NAPB: variants seen among roughly 807,000 people sequenced by gnomAD.
NAPB encodes beta-soluble NSF attachment protein.
Under a neutral mutation model 44.7 loss-of-function variants are expected in NAPB, and 26 were observed. The observed-to-expected ratio is 0.58, with a 90% CI of 0.43 to 0.81. NAPB has a LOEUF of 0.81. Among genes scored for constraint, NAPB ranks in the 30% least tolerant of loss-of-function variants. NAPB has a pLI of 0.00. For synonymous variants in NAPB, 120 were observed against 116.8 expected (o/e 1.03, Z -0.18); for missense variants, 315 against 356.4 (o/e 0.88, Z 0.94).
rs969604406 is a variant in NAPB at position 23,402,900 on chromosome 20, T to C, written c.178+93A>G. On this transcript the variant is annotated intron_variant, in intron 2 of 10. Coordinates refer to ENST00000377026, the MANE Select transcript of NAPB (RefSeq NM_022080.3). ...CACTGACATCTGTCTCTGGGGCCAA[T>C]AGTCTTGCTCTTCAAGGGGAAAACA... is the stretch of plus-strand genomic sequence containing the variant. 3.4e-5 allele frequency: 32 copies of C among 932,330 alleles called. 1 individual carries two copies. Among genetic ancestry groups the C allele is most frequent in the Admixed American group, 4.4e-5 (2 of 45,586 alleles). The allele number at this position is 932,330 out of a possible 1,614,324, so 57.8% of individuals were successfully genotyped here.
intron 7 of NAPB, among the ~76,000 whole-genome samples, chr20:23,388,860 A>G (rs1983727073): frequency 6.6e-6 from 1 of 152,174 alleles, no homozygotes; most frequent in Non-Finnish European, 1.5e-5. Context: ...GATTTCTTCT[A>G]TATAACAACA....
At chr20:23,382,099 G>A (rs1047014315) in intron 7 of NAPB, among the ~76,000 whole-genome samples, 6 of 152,196 alleles carry the variant, frequency 3.9e-5, no homozygotes, top group African/African-American at 1.4e-4. Flanking sequence ...CAGCTGGTGT[G>A]CTGTCAGAAG....
rs74892021 is a variant in NAPB at position 23,375,466 on chromosome 20, C to G, written c.*1910G>C. On this transcript the variant is annotated 3_prime_UTR_variant, in exon 11 of 11. Transcript: ENST00000377026. ...CAAGCTGCAGAACCACTCCTCACAC[C>G]CCATTTTCACAAAAGTGCATTTGGC... The G allele has an allele frequency of 6.6e-6, 1 of 152,086 alleles. No homozygotes were observed. Among genetic ancestry groups the G allele is most frequent in the Non-Finnish European group, 1.5e-5 (1 of 68,034 alleles). 9.4% of individuals were successfully genotyped at this position (152,086 alleles called of 1,614,324 possible).
At chr20:23,381,068 C>G in intron 8 of NAPB, 145 bp downstream of exon 8, 2 of 608,852 alleles carry the variant, frequency 3.3e-6, no homozygotes, top group Non-Finnish European at 5.9e-6. Context: ...ACAACTGGGA[C>G]ACATACCACA....
chr20:23,404,714 A>AT (rs1985108552), intron 1 of NAPB, among the ~76,000 whole-genome samples: 1 of 152,256 alleles, frequency 6.6e-6, no homozygotes, highest in African/African-American at 2.4e-5. Context: ...TATGGAAGGC[A>AT]TAAAAACCTT....
At chr20:23,395,308 G>T (rs944442648) in intron 3 of NAPB, 123 bp from the exon 4 acceptor site, 2 of 990,806 alleles carry the variant, frequency 2.0e-6, no homozygotes, top group African/African-American at 3.2e-5. Context: ...GTGGAGGGTG[G>T]GCAGGTTAAT....
At chr20:23,383,156 C>CAAAAAA (rs34238446) in intron 7 of NAPB, among the ~76,000 whole-genome samples, 3 of 76,746 alleles carry the variant, frequency 3.9e-5, no homozygotes, top group South Asian at 4.7e-4. Context: ...GACTCGGTCT[C>CAAAAAA]AAAAAAAAAA....
chr20:23,403,137 A>T, intron 1 of NAPB, 65 bp from the exon 2 acceptor site: 1 of 1,148,848 alleles, frequency 8.7e-7, no homozygotes, highest in Non-Finnish European at 1.3e-6. Flanking sequence ...CCTCCCTCAA[A>T]TGATTAACAT....
chr20:23,375,544 G>C lies in NAPB; in HGVS notation c.*1832C>G, dbSNP rs1459381162. On this transcript the variant is annotated 3_prime_UTR_variant, in exon 11 of 11. Coordinates refer to ENST00000377026, the MANE Select transcript of NAPB (RefSeq NM_022080.3). ...GAAACAAAACCCCACTTTTCTCTCTGATCATTTTTTCATAAGAGATTCTAA... is the reference window on the plus strand; with the variant it reads ...GAAACAAAACCCCACTTTTCTCTCTCATCATTTTTTCATAAGAGATTCTAA... The C allele has an allele frequency of 1.3e-5, 2 of 152,110 alleles. No individual in the cohort carries two copies. The highest frequency in any genetic ancestry group is 4.8e-5 in the African/African-American group (2 of 41,402). 9.4% of individuals were successfully genotyped at this position (152,110 alleles called of 1,614,324 possible). A position where few individuals can be genotyped will look rare whatever the true frequency, so the allele number is the denominator to read the frequency against.
At chr20:23,378,046 C>T (rs181048986) in intron 10 of NAPB, among the ~76,000 whole-genome samples, 1 of 151,976 alleles carries the variant, frequency 6.6e-6, no homozygotes, top group South Asian at 2.1e-4. Context: ...TGTAGTGGCT[C>T]ATGCCTGTAA....
rs1568616155 is a variant in NAPB, at chr20:23,403,077, G to C, written c.99-5C>G. The C allele has an allele frequency of 6.2e-7, 1 of 1,608,034 alleles. No individual in the cohort carries two copies. Among genetic ancestry groups the C allele is most frequent in the African/African-American group, 1.3e-5 (1 of 74,666 alleles). ...TCTTCTATTCTTGTGTTTCCTCTGA[G>C]AAAAAGTTAAAAATTAGATTTTTAA... is the stretch of plus-strand genomic sequence containing the variant. On this transcript the variant is annotated splice_region_variant and splice_polypyrimidine_tract_variant and intron_variant, in intron 1 of 10. Coordinates refer to ENST00000377026, the MANE Select transcript of NAPB (RefSeq NM_022080.3).
intron 9 of NAPB, 65 bp downstream of exon 9, chr20:23,379,802 C>A: frequency 1.6e-6 from 2 of 1,219,522 alleles, no homozygotes; most frequent in African/African-American, 3.0e-5. Flanking sequence ...CATACCCAAT[C>A]CCACTTAGGT....
intron 1 of NAPB, among the ~76,000 whole-genome samples, chr20:23,418,463 T>TAC (rs941558906): frequency 6.6e-6 from 1 of 152,218 alleles, no homozygotes; most frequent in African/African-American, 2.4e-5. Flanking sequence ...ACAGGAACAC[T>TAC]ACGTCTGTTT....
intron 7 of NAPB, among the ~76,000 whole-genome samples, chr20:23,385,480 C>G (rs1353385957): frequency 6.6e-6 from 1 of 152,126 alleles, no homozygotes; most frequent in Admixed American, 6.5e-5. Flanking sequence ...AAATCAAAGG[C>G]CAATCGCAGT....
At chr20:23,379,412 A>T (rs1982820874) in intron 10 of NAPB, 33 bp downstream of exon 10, 1 of 1,531,000 alleles carries the variant, frequency 6.5e-7, no homozygotes, top group Non-Finnish European at 8.8e-7. Flanking sequence ...TAAATCTTCA[A>T]ATAATGTACC....
chr20:23,377,597 T>C, intron 10 of NAPB, 111 bp from the exon 11 acceptor site: 1 of 470,480 alleles, frequency 2.1e-6, no homozygotes, highest in African/African-American at 2.0e-5. Flanking sequence ...ACTAACTTTC[T>C]TCATCATTTG....
At chr20:23,406,993 T>C (rs1403595147) in intron 1 of NAPB, among the ~76,000 whole-genome samples, 1 of 152,204 alleles carries the variant, frequency 6.6e-6, no homozygotes, top group Non-Finnish European at 1.5e-5. Flanking sequence ...TCTATTTTAC[T>C]GAAGAGAAAA....
Position 23,376,193 on chromosome 20 carries a change from C to T in NAPB, c.*1183G>A, listed in dbSNP as rs545650171. 6.6e-6 allele frequency: 1 copy of T among 152,254 alleles called. No individual in the cohort carries two copies. The highest frequency in any genetic ancestry group is 6.5e-5 in the Admixed American group (1 of 15,298). The allele number at this position is 152,254 out of a possible 1,614,324, so 9.4% of individuals were successfully genotyped here. A position where few individuals can be genotyped will look rare whatever the true frequency, so the allele number is the denominator to read the frequency against. On this transcript the variant is annotated 3_prime_UTR_variant, in exon 11 of 11. Transcript: ENST00000377026. ...GGACATTCAGGAGACAAGCGTATGT[C>T]TAAAGTACAATATCAGCATATAAAT... is the stretch of plus-strand genomic sequence containing the variant.
At chr20:23,417,326 C>T (rs2123272690) in intron 1 of NAPB, among the ~76,000 whole-genome samples, 1 of 152,276 alleles carries the variant, frequency 6.6e-6, no homozygotes, top group African/African-American at 2.4e-5. Flanking sequence ...TCAAGTGATC[C>T]ACCCGCCTCG....
Sources: allele counts gnomAD v4.1 joint callset (sites outside exome capture counted in the v4.1 genomes callset), GRCh38; gene constraint gnomAD v4.1.1; transcripts MANE v1.5; gene names NCBI Gene and HGNC (gene_info 2026-07-23, HGNC 2026-07-21).